Variants in NHLH2 observed in about 807,000 individuals in gnomAD.
NHLH2 encodes nescient helix-loop-helix 2, also known as helix-loop-helix protein 2.
NHLH2 carries 7 observed loss-of-function variants against 7.3 expected under a neutral mutation model. That is an observed-to-expected ratio of 0.96 (90% CI 0.55 to 1.81). The LOEUF is 1.81. NHLH2 is among the 40% of genes most tolerant of loss of function. NHLH2 has a pLI of 0.00. For missense variants in NHLH2, 155 were observed against 194.0 expected (o/e 0.80, Z 1.19); for synonymous variants, 93 against 91.6 (o/e 1.01, Z -0.09).
intron 2 of NHLH2, chr1:115,838,641 G>A: frequency 4.9e-6 from 2 of 408,066 alleles, no homozygotes; most frequent in South Asian, 1.2e-4. Flanking sequence ...TCGACTTGCA[G>A]ACGGCCACAG....
At chr1:115,835,614 CACAG>C (rs1650849386), downstream of NHLH2, among the ~76,000 whole-genome samples, 1 of 152,176 alleles carries the variant, frequency 6.6e-6, no homozygotes, top group African/African-American at 2.4e-5. Context: ...CCAGCAATCC[CACAG>C]ACATTTTATA....
downstream of NHLH2, among the ~76,000 whole-genome samples, chr1:115,831,688 G>C (rs987624475): frequency 0.028 from 19 of 676 alleles, no homozygotes; most frequent in Admixed American, 0.25. Flanking sequence ...AAAGGCCTAG[G>C]GGGGGGCGGA....
chr1:115,838,522 G>C (rs1436945135), intron 2 of NHLH2, 142 bp from the exon 3 acceptor site: 8 of 910,032 alleles, frequency 8.8e-6, no homozygotes, highest in Non-Finnish European at 1.3e-5. Flanking sequence ...CGCGCGACGC[G>C]GGAGGGCGCC....
chr1:115,835,374 G>C (rs548539552), downstream of NHLH2, among the ~76,000 whole-genome samples: 3 of 152,214 alleles, frequency 2.0e-5, no homozygotes, highest in African/African-American at 7.2e-5. Flanking sequence ...CTGCCTAGAG[G>C]TGAGAAGGCC....
chr1:115,835,589 G>T (rs1249535975), downstream of NHLH2, among the ~76,000 whole-genome samples: 1 of 152,206 alleles, frequency 6.6e-6, no homozygotes, highest in Non-Finnish European at 1.5e-5. Context: ...ACACCTGGGT[G>T]AAAAGTGAAG....
At position 115,838,344 on chromosome 1, in the gene NHLH2, T is replaced by A; in HGVS notation, c.29A>T (p.Asp10Val). 1 of 1,609,466 alleles carries A rather than the reference T, an allele frequency of 6.2e-7. No individual in the cohort carries two copies. The highest frequency in any genetic ancestry group is 8.5e-7 in the Non-Finnish European group (1 of 1,179,322). The change falls in exon 3 of 3, where the codon GAT (aspartate) becomes GTT (valine). Residue 10 changes from aspartate to valine, a missense_variant. Around this residue, in one of 2 missense-constraint regions of NHLH2, gnomAD observed 91 missense variants for 86.6 expected, o/e 1.05. Coordinates refer to ENST00000320238, the MANE Select transcript of NHLH2 (RefSeq NM_005599.3). MMLSPDQAA[D>V]SDHPSSAHSD... Reference sequence around the variant, plus strand: ...GTGCGCCGAGCTGGGATGGTCCGAATCTGCTGCTTGGTCCGGACTCAGCAT... The same window carrying A: ...GTGCGCCGAGCTGGGATGGTCCGAAACTGCTGCTTGGTCCGGACTCAGCAT...
rs1259983358 is a variant in NHLH2 at position 115,838,376 on chromosome 1, G to A, written c.-4C>T. 1.2e-6 allele frequency: 2 copies of A among 1,608,308 alleles called. No homozygotes were observed. Among genetic ancestry groups the A allele is most frequent in the African/African-American group, 2.7e-5 (2 of 74,370 alleles). ...CTTGGTCCGGACTCAGCATCATTTT[G>A]GAGGCTGAGGAGGGGTCGGAAAATT... is the stretch of plus-strand genomic sequence containing the variant. On this transcript the variant is annotated 5_prime_UTR_variant, in exon 3 of 3. Transcript: ENST00000320238.
downstream of NHLH2, among the ~76,000 whole-genome samples, chr1:115,832,800 G>A (rs373718753): frequency 2.1e-4 from 32 of 152,308 alleles, no homozygotes; most frequent in African/African-American, 7.2e-4. Context: ...GTAATGATAC[G>A]TGTGGTTACG....
chr1:115,839,907 C>T (rs904782840), intron 2 of NHLH2: 14 of 167,050 alleles, frequency 8.4e-5, no homozygotes, highest in African/African-American at 3.4e-4. Flanking sequence ...CATGTGACTC[C>T]CTACGGGCTT....
Position 115,838,386 on chromosome 1 carries a change from G to A in NHLH2, c.-8-6C>T, listed in dbSNP as rs1251335468. 21 of 1,608,084 alleles carry A rather than the reference G, an allele frequency of 1.3e-5. No individual in the cohort carries two copies. The highest frequency in any genetic ancestry group is 1.8e-5 in the Non-Finnish European group (21 of 1,178,804). On this transcript the variant is annotated splice_polypyrimidine_tract_variant and splice_region_variant and intron_variant, in intron 2 of 2. Coordinates refer to ENST00000320238, the MANE Select transcript of NHLH2 (RefSeq NM_005599.3). ...ACTCAGCATCATTTTGGAGGCTGAG[G>A]AGGGGTCGGAAAATTAATCAGTAAA...
intron 2 of NHLH2, chr1:115,839,217 A>G (rs1650983027): frequency 4.2e-5 from 7 of 167,332 alleles, no homozygotes. Flanking sequence ...ACCTTGCGGG[A>G]AAATGCCGGC....
chr1:115,832,582 T>C (rs1469713970), downstream of NHLH2, among the ~76,000 whole-genome samples: 4 of 152,194 alleles, frequency 2.6e-5, no homozygotes, highest in African/African-American at 4.8e-5. Flanking sequence ...TCCCATCTTA[T>C]GGATGAAAAT....
chr1:115,833,210 C>A (rs185805090), downstream of NHLH2, among the ~76,000 whole-genome samples: 1 of 152,172 alleles, frequency 6.6e-6, no homozygotes, highest in East Asian at 1.9e-4. Context: ...TAGTGAATGA[C>A]GGTGCCCTGG....
downstream of NHLH2, among the ~76,000 whole-genome samples, chr1:115,833,045 A>G (rs1650788104): frequency 6.6e-6 from 1 of 152,192 alleles, no homozygotes; most frequent in Admixed American, 6.5e-5. Context: ...AAACATTTCT[A>G]TGCCTAGATT....
chr1:115,839,213 C>T, intron 2 of NHLH2: 1 of 167,356 alleles, frequency 6.0e-6, no homozygotes, highest in South Asian at 2.1e-4. Flanking sequence ...GACCACCTTG[C>T]GGGAAAATGC....
downstream of NHLH2, among the ~76,000 whole-genome samples, chr1:115,833,095 C>G (rs1482828988): frequency 6.6e-6 from 1 of 152,056 alleles, no homozygotes; most frequent in Admixed American, 6.6e-5. Context: ...TGGACATTCA[C>G]GAAGGAGGAT....
At chr1:115,835,172 T>C (rs1470527496), downstream of NHLH2, among the ~76,000 whole-genome samples, 1 of 152,206 alleles carries the variant, frequency 6.6e-6, no homozygotes, top group Non-Finnish European at 1.5e-5. Context: ...ATCAGTAGGT[T>C]CCTCCTACAT....
intron 2 of NHLH2, chr1:115,838,746 T>G: frequency 1.2e-4 from 27 of 223,380 alleles, no homozygotes; most frequent in Non-Finnish European, 1.7e-4. Flanking sequence ...AACCGCGCTA[T>G]TCCTCCTCCC....
downstream of NHLH2, among the ~76,000 whole-genome samples, chr1:115,832,058 C>A (rs1292599538): frequency 1.3e-5 from 2 of 152,170 alleles, no homozygotes; most frequent in Non-Finnish European, 2.9e-5. Flanking sequence ...AAAACTGGCC[C>A]TCTGCTTCTA....
Sources: gnomAD v4.1 joint callset for allele counts (sites outside exome capture counted in the v4.1 genomes callset) on GRCh38, gnomAD v4.1.1 for gene constraint, gnomAD v4.1.1 regional missense constraint, MANE v1.5 for transcripts, NCBI Gene and HGNC (gene_info 2026-07-23, HGNC 2026-07-21) for gene names.